The following TEC variants were observed in gnomAD, a reference collection of about 807,000 sequenced individuals.
TEC encodes the protein tec protein tyrosine kinase.
TEC carries 72 observed loss-of-function variants against 93.0 expected under a neutral mutation model. The observed-to-expected ratio is 0.77, with a 90% confidence interval of 0.64 to 0.94. The LOEUF is 0.94. Ranked by LOEUF, TEC falls within the 40% of genes least tolerant of loss-of-function variation. TEC has a pLI of 0.00. For synonymous variants in TEC, 249 were observed against 247.7 expected, an observed-to-expected ratio of 1.01 and a Z score of -0.05; for missense variants, 630 against 757.9, an observed-to-expected ratio of 0.83 and a Z score of 1.98.
chr4:48,164,603 G>A (rs554113376), intron 7 of TEC, among the ~76,000 whole-genome samples: 2 of 152,130 alleles, frequency 1.3e-5, no homozygotes, highest in Non-Finnish European at 2.9e-5. Context: ...GTTGCACTGA[G>A]AAAGGCCCAG....
At chr4:48,161,947 A>G (rs1720683707) in intron 8 of TEC, among the ~76,000 whole-genome samples, 1 of 152,100 alleles carries the variant, frequency 6.6e-6, no homozygotes, top group Admixed American at 6.5e-5. Context: ...TGGGACTCAG[A>G]CTGCCTTCCT....
At chr4:48,156,563 T>C in intron 9 of TEC, 117 bp downstream of exon 9, 1 of 817,278 alleles carries the variant, frequency 1.2e-6, no homozygotes, top group Non-Finnish European at 1.8e-6. Context: ...GGAATAGTTT[T>C]GCATAGACTT....
chr4:48,265,916 G>A (rs560002873), intron 1 of TEC, among the ~76,000 whole-genome samples: 85 of 152,284 alleles, frequency 5.6e-4, no homozygotes, highest in African/African-American at 1.9e-3. Flanking sequence ...CCTAGGCACA[G>A]TGTCGTGAAA....
At chr4:48,247,619 T>C (rs1224493266) in intron 1 of TEC, among the ~76,000 whole-genome samples, 1 of 152,210 alleles carries the variant, frequency 6.6e-6, no homozygotes, top group Non-Finnish European at 1.5e-5. Flanking sequence ...AACATTATGT[T>C]GGATAAAAGA....
chr4:48,138,701 G>C lies in TEC; in HGVS notation c.1776C>G (p.Asn592Lys). 6.2e-7 allele frequency: 1 copy of C among 1,614,010 alleles called. No homozygotes were observed. Among genetic ancestry groups the C allele is most frequent in the Middle Eastern group, 1.7e-4 (1 of 6,060 alleles). Reference sequence around the variant, plus strand: ...ATCTCAGCATCACCTCATACACATAGTTGGACGCCAACTTCGGCTGGTAGA... The same window carrying C: ...ATCTCAGCATCACCTCATACACATACTTGGACGCCAACTTCGGCTGGTAGA... ...HRLYQPKLAS[N>K]YVYEVMLRCW... Residue 592 changes from asparagine (N) to lysine (K), a missense_variant, in exon 17 of 18, where the codon AAC becomes AAG. Coordinates refer to ENST00000381501, the MANE Select transcript of TEC (RefSeq NM_003215.3).
chr4:48,207,398 T>G (rs1201569180), intron 2 of TEC, among the ~76,000 whole-genome samples: 1 of 152,156 alleles, frequency 6.6e-6, no homozygotes, highest in African/African-American at 2.4e-5. Flanking sequence ...CCAAATGTCC[T>G]TTTAGGCTCC....
Position 48,141,500 on chromosome 4 carries a change from A to C in TEC, c.1471-81T>G. 3 of 1,373,812 alleles carry C rather than the reference A, an allele frequency of 2.2e-6. No homozygotes were observed. The South Asian group carries it at 3.6e-5, about 17-fold the overall frequency. The allele number at this position is 1,373,812 out of a possible 1,614,324, so 85.1% of individuals were successfully genotyped here. A position where few individuals can be genotyped will look rare whatever the true frequency, so the allele number is the denominator to read the frequency against. ...GAAAATGTAAGTTCTATTTATATTA[A>C]ATTTAGTGTAACCTAGTCAACATTT... is the stretch of plus-strand genomic sequence containing the variant. On this transcript the variant is annotated intron_variant, in intron 14 of 17. Coordinates refer to ENST00000381501, the MANE Select transcript of TEC (RefSeq NM_003215.3).
chr4:48,244,749 G>C (rs1179947658), intron 1 of TEC, among the ~76,000 whole-genome samples: 9 of 152,152 alleles, frequency 5.9e-5, no homozygotes, highest in Admixed American at 5.9e-4. Flanking sequence ...ACACTTCTGT[G>C]GAGTTTTGAT....
At chr4:48,180,274 G>A (rs1721531494) in intron 2 of TEC, among the ~76,000 whole-genome samples, 1 of 152,294 alleles carries the variant, frequency 6.6e-6, no homozygotes, top group Admixed American at 6.5e-5. Flanking sequence ...AGGTTCACAT[G>A]TAAGTTGATC....
chr4:48,207,770 A>C (rs2109606089), intron 2 of TEC, among the ~76,000 whole-genome samples: 1 of 152,320 alleles, frequency 6.6e-6, no homozygotes, highest in East Asian at 1.9e-4. Flanking sequence ...CCTGGGCGAC[A>C]GAGTGAGACC....
chr4:48,175,073 T>C (rs1327833888), intron 3 of TEC, among the ~76,000 whole-genome samples: 1 of 152,218 alleles, frequency 6.6e-6, no homozygotes, highest in Non-Finnish European at 1.5e-5. Context: ...TTACTGTCCC[T>C]GTCCTTCACT....
intron 1 of TEC, among the ~76,000 whole-genome samples, chr4:48,252,704 C>G (rs761436626): frequency 5.9e-5 from 9 of 152,168 alleles, no homozygotes; most frequent in Non-Finnish European, 1.0e-4. Flanking sequence ...GCACAAAAAG[C>G]AATATTAAAT....
chr4:48,237,359 A>T (rs190035196), intron 1 of TEC, among the ~76,000 whole-genome samples: 94 of 133,924 alleles, frequency 7.0e-4, no homozygotes, highest in Admixed American at 5.0e-3. Context: ...AATAATTTTT[A>T]AAAAAATAGC....
At chr4:48,241,407 C>T (rs1723919239) in intron 1 of TEC, among the ~76,000 whole-genome samples, 1 of 152,108 alleles carries the variant, frequency 6.6e-6, no homozygotes, top group African/African-American at 2.4e-5. Flanking sequence ...AATATTCTCC[C>T]TCTTGGAACC....
At chr4:48,264,877 G>A (rs572981834) in intron 1 of TEC, among the ~76,000 whole-genome samples, 8 of 152,216 alleles carry the variant, frequency 5.3e-5, no homozygotes, top group African/African-American at 1.9e-4. Context: ...GACCTCAAGT[G>A]TTCCGCCCAC....
intron 1 of TEC, among the ~76,000 whole-genome samples, chr4:48,257,520 C>T (rs1220885484): frequency 1.3e-5 from 2 of 152,176 alleles, no homozygotes; most frequent in Non-Finnish European, 2.9e-5. Context: ...CCAGCTCCAC[C>T]ACTTACCACT....
intron 2 of TEC, among the ~76,000 whole-genome samples, chr4:48,180,647 G>C (rs891939639): frequency 6.6e-6 from 1 of 152,168 alleles, no homozygotes; most frequent in African/African-American, 2.4e-5. Context: ...TGAGTATTTA[G>C]GGAACAGAAA....
chr4:48,154,760 C>G (rs1367028493), intron 9 of TEC, among the ~76,000 whole-genome samples: 2 of 152,136 alleles, frequency 1.3e-5, no homozygotes, highest in African/African-American at 4.8e-5. Flanking sequence ...TTAAAAAAAT[C>G]AAATGAATAA....
chr4:48,253,172 C>T (rs11727166), intron 1 of TEC, among the ~76,000 whole-genome samples: 16,612 of 152,182 alleles, frequency 0.11, 1,103 homozygotes, highest in East Asian at 0.24. Flanking sequence ...TCATGAAATA[C>T]GTAAGTTATC....
Sources: allele counts gnomAD v4.1 joint callset (sites outside exome capture counted in the v4.1 genomes callset), GRCh38; gene constraint gnomAD v4.1.1; transcripts MANE v1.5; gene names NCBI Gene and HGNC (gene_info 2026-07-23, HGNC 2026-07-21).